Variants in CACNA1C observed in about 807,000 individuals in gnomAD.
The protein encoded by CACNA1C is voltage-dependent L-type calcium channel subunit alpha-1C.
CACNA1C carries 30 observed loss-of-function variants against 229.0 expected under a neutral mutation model. That is an observed-to-expected ratio of 0.13 (90% CI 0.10 to 0.18). The LOEUF is 0.18. Ranked by LOEUF, CACNA1C falls within the 10% of genes least tolerant of loss-of-function variation. The pLI is 1.00. For missense variants in CACNA1C, 1,658 were observed against 2,845.0 expected, an observed-to-expected ratio of 0.58 and a Z score of 9.49; for synonymous variants, 1,114 against 1,132.5, an observed-to-expected ratio of 0.98 and a Z score of 0.33.
chr12:2,174,973 G>C (rs1329841208), intron 3 of CACNA1C, among the ~76,000 whole-genome samples: 2 of 152,154 alleles, frequency 1.3e-5, no homozygotes, highest in Non-Finnish European at 2.9e-5. Flanking sequence ...AGGAGGAGGA[G>C]GAGGGCGGCT....
rs148056416 is a variant in CACNA1C at position 2,016,588 on chromosome 12, C to T, written c.139+45387C>T. Among the ~76,000 whole-genome samples, 1,421 of 152,268 alleles carry T rather than the reference C, an allele frequency of 9.3e-3. 9 individuals are homozygous for T. Among genetic ancestry groups the T allele is most frequent in the Non-Finnish European group, 0.014 (968 of 68,030 alleles). On this transcript the variant is annotated intron_variant, in intron 1 of 46. Coordinates refer to the CACNA1C transcript ENST00000682462. ...GGGATTACAGGTGCTGCCACCACGC[C>T]TGGCTAATTTTTTGTATTTTTAGTA...
At chr12:2,391,905 T>C (rs2098486012) in intron 3 of CACNA1C, among the ~76,000 whole-genome samples, 1 of 152,220 alleles carries the variant, frequency 6.6e-6, no homozygotes, top group Admixed American at 6.5e-5. Context: ...TATCAGGTGC[T>C]CAGCTGCCAC....
At chr12:2,580,212 G>T (rs543613875) in intron 13 of CACNA1C, among the ~76,000 whole-genome samples, 127 of 152,278 alleles carry the variant, frequency 8.3e-4, no homozygotes, top group African/African-American at 3.0e-3. Context: ...CAACAGAGGG[G>T]GTATGGCTGG....
At chr12:2,291,318 G>A (rs990720498) in intron 3 of CACNA1C, among the ~76,000 whole-genome samples, 10 of 152,150 alleles carry the variant, frequency 6.6e-5, no homozygotes, top group African/African-American at 2.2e-4. Flanking sequence ...GAACCCAGAC[G>A]GATATTTGCT....
At chr12:2,606,464 G>T in intron 24 of CACNA1C, 147 bp from the exon 25 acceptor site, 1 of 684,258 alleles carries the variant, frequency 1.5e-6, no homozygotes, top group Non-Finnish European at 2.7e-6. Context: ...TTCTGTGCGT[G>T]TGAGTCAGGT....
intron 8 of CACNA1C, among the ~76,000 whole-genome samples, chr12:2,509,143 C>A (rs1220437094): frequency 1.3e-5 from 2 of 152,122 alleles, no homozygotes; most frequent in Non-Finnish European, 2.9e-5. Flanking sequence ...CATGTCTTGT[C>A]CCCAAAAAGC....
At chr12:2,167,308 T>C (rs1278318782) in intron 3 of CACNA1C, among the ~76,000 whole-genome samples, 1 of 152,196 alleles carries the variant, frequency 6.6e-6, no homozygotes, top group Admixed American at 6.5e-5. Context: ...TGACAGAGCA[T>C]TGTGTGTGAC....
At position 2,646,539 on chromosome 12, in the gene CACNA1C, TACCTCCCTCTGG is replaced by T. The variant is rs888589431; in HGVS notation, c.3913-1926_3913-1915del. ...ACTCAGGAGTTAACATGGTGTAGGTTACCTCCCTCTGGACCTCCCTCCCTGCCCCACTGAAGC... is the reference window on the plus strand; with the variant it reads ...ACTCAGGAGTTAACATGGTGTAGGTTACCTCCCTCCCTGCCCCACTGAAGC... On this transcript the variant is annotated intron_variant, in intron 30 of 46. Transcript: ENST00000399655. This position sits in a 1 kb window ranked among gnomAD's most constrained non-coding sequence, Gnocchi z 4.6. 5.9e-5 allele frequency: 9 copies of T among 152,116 alleles called. No individual in the cohort carries two copies. Among genetic ancestry groups the T allele is most frequent in the African/African-American group, 1.7e-4 (7 of 41,406 alleles). 9.4% of individuals were successfully genotyped at this position (152,116 alleles called of 1,614,324 possible). A position where few individuals can be genotyped will look rare whatever the true frequency, so the allele number is the denominator to read the frequency against.
intron 3 of CACNA1C, among the ~76,000 whole-genome samples, chr12:2,211,056 A>T (rs2097904816): frequency 6.6e-6 from 1 of 152,222 alleles, no homozygotes. Context: ...TTCTCTAGTT[A>T]GTGTCAGGAC....
chr12:2,416,216 C>CG (rs34463644), intron 3 of CACNA1C, among the ~76,000 whole-genome samples: 5,006 of 152,300 alleles, frequency 0.033, 276 homozygotes, highest in African/African-American at 0.11. Flanking sequence ...CCTGCGTGCA[C>CG]CTCCGTGACA....
At chr12:2,408,782 TA>T (rs113952872) in intron 3 of CACNA1C, among the ~76,000 whole-genome samples, 13 of 152,224 alleles carry the variant, frequency 8.5e-5, no homozygotes, top group African/African-American at 3.1e-4. Context: ...AGTGAAGTCT[TA>T]TTCATTTCAA....
Position 2,346,991 on chromosome 12 carries a change from C to G in CACNA1C, c.478-101985C>G, listed in dbSNP as rs572558693. ...GGCTGGGGCCACAGACCTTACAGGA[C>G]TAAGAGGCCATCTGACCCCCTTTCA... On this transcript the variant is annotated intron_variant, in intron 3 of 46. Coordinates refer to ENST00000399655, the MANE Select transcript of CACNA1C (RefSeq NM_000719.7). The surrounding 1 kb of genome is among the most constrained non-coding windows in gnomAD (Gnocchi z 4.4). 1.9e-4 allele frequency among the ~76,000 whole-genome samples: 29 copies of G among 152,300 alleles called. No homozygotes were observed. Among genetic ancestry groups the G allele is most frequent in the African/African-American group, 6.5e-4 (27 of 41,564 alleles).
chr12:2,655,348 G>A (rs2095357511), intron 34 of CACNA1C, 110 bp downstream of exon 34: 2 of 664,962 alleles, frequency 3.0e-6, no homozygotes, highest in Admixed American at 2.6e-5. Flanking sequence ...TAGGAAGGGA[G>A]AGGATGTGTT....
At chr12:2,024,227 C>T (rs11062077) in intron 1 of CACNA1C, among the ~76,000 whole-genome samples, 6,935 of 152,278 alleles carry the variant, frequency 0.046, 219 homozygotes, top group Middle Eastern at 0.082. Context: ...GAGAAAATTG[C>T]ATAAGGGGCT....
chr12:2,163,087 A>C (rs1054454709), intron 3 of CACNA1C, among the ~76,000 whole-genome samples: 6 of 151,696 alleles, frequency 4.0e-5, no homozygotes, highest in African/African-American at 1.5e-4. Context: ...AATTCCAGCT[A>C]CTTGGGAGGC....
At chr12:2,599,095 G>A (rs1000134694) in intron 21 of CACNA1C, among the ~76,000 whole-genome samples, 1 of 152,202 alleles carries the variant, frequency 6.6e-6, no homozygotes, top group African/African-American at 2.4e-5. Context: ...CCCTTCTACA[G>A]AGCTGCCCTT....
chr12:2,277,448 G>A (rs1566836194), intron 3 of CACNA1C, among the ~76,000 whole-genome samples: 1 of 147,130 alleles, frequency 6.8e-6, no homozygotes, highest in South Asian at 2.2e-4. Flanking sequence ...ATAGGGAAGA[G>A]GACTTCTCTT....
At chr12:2,473,695 T>C (rs1008367720) in intron 5 of CACNA1C, among the ~76,000 whole-genome samples, 2 of 152,172 alleles carry the variant, frequency 1.3e-5, no homozygotes, top group Non-Finnish European at 2.9e-5. Flanking sequence ...GTCACACAGT[T>C]ATTGATAGCA....
intron 29 of CACNA1C, among the ~76,000 whole-genome samples, chr12:2,618,074 G>T (rs2081508986): frequency 2.6e-5 from 4 of 152,226 alleles, no homozygotes; most frequent in Non-Finnish European, 5.9e-5. Context: ...TGGAGGCTGA[G>T]GGTCCGGATT....
Sources: allele counts gnomAD v4.1 joint callset (sites outside exome capture counted in the v4.1 genomes callset), GRCh38; gene constraint gnomAD v4.1.1; non-coding constraint Gnocchi (gnomAD v3.1); transcripts MANE v1.5; gene names NCBI Gene and HGNC (gene_info 2026-07-23, HGNC 2026-07-21).